MARK1: variants seen among roughly 807,000 people sequenced by gnomAD.
MARK1 encodes the protein serine/threonine-protein kinase MARK1.
In MARK1, 40 loss-of-function variants were observed where a neutral mutation model predicts 96.3. The ratio of observed to expected loss-of-function variants is 0.42; its 90% CI spans 0.32 to 0.54. The LOEUF is 0.54. MARK1 is among the 20% of genes least tolerant of loss of function. The pLI, the probability that MARK1 is intolerant of heterozygous loss-of-function variation, is 0.16. For synonymous variants in MARK1, 317 were observed against 341.2 expected (o/e 0.93, Z 0.78); for missense variants, 719 against 984.6 (o/e 0.73, Z 3.61).
At chr1:220,560,617 T>C (rs1407145501) in intron 1 of MARK1, among the ~76,000 whole-genome samples, 1 of 152,132 alleles carries the variant, frequency 6.6e-6, no homozygotes, top group African/African-American at 2.4e-5. Flanking sequence ...AAGTGACTAA[T>C]GGGTGGAAAG....
chr1:220,544,291 C>T (rs890213014), intron 1 of MARK1, among the ~76,000 whole-genome samples: 1 of 152,086 alleles, frequency 6.6e-6, no homozygotes, highest in African/African-American at 2.4e-5. Flanking sequence ...AACTTAATAC[C>T]CAATGCAACA....
At chr1:220,621,159 C>G (rs1213085460) in intron 9 of MARK1, among the ~76,000 whole-genome samples, 1 of 151,836 alleles carries the variant, frequency 6.6e-6, no homozygotes, top group Non-Finnish European at 1.5e-5. Flanking sequence ...ATATGCACTT[C>G]TTGCTTTGTC....
At chr1:220,536,617 G>A (rs112600952) in intron 1 of MARK1, among the ~76,000 whole-genome samples, 8,739 of 151,132 alleles carry the variant, frequency 0.058, 326 homozygotes, top group Middle Eastern at 0.14. Flanking sequence ...GTGCAGTGGC[G>A]CAATCTCAGC....
At chr1:220,631,639 C>T (rs553847218) in intron 10 of MARK1, among the ~76,000 whole-genome samples, 1 of 152,240 alleles carries the variant, frequency 6.6e-6, no homozygotes, top group Admixed American at 6.5e-5. Context: ...TTTCACAATC[C>T]CTTCCCAAAG....
intron 1 of MARK1, among the ~76,000 whole-genome samples, chr1:220,557,674 A>C (rs1445025502): frequency 2.0e-5 from 3 of 152,208 alleles, no homozygotes; most frequent in Admixed American, 6.5e-5. Context: ...AGGAAACAGA[A>C]TTTAGAGGAA....
intron 1 of MARK1, among the ~76,000 whole-genome samples, chr1:220,569,065 G>A (rs1663255182): frequency 6.6e-6 from 1 of 152,092 alleles, no homozygotes; most frequent in Admixed American, 6.6e-5. Context: ...ACCATCAAAT[G>A]CTATCAAACT....
chr1:220,609,935 G>A (rs1006964204), intron 6 of MARK1, among the ~76,000 whole-genome samples: 2 of 152,146 alleles, frequency 1.3e-5, no homozygotes, highest in African/African-American at 4.8e-5. Context: ...AGTCTGATGG[G>A]CTTCCCTTTG....
intron 9 of MARK1, among the ~76,000 whole-genome samples, chr1:220,630,776 A>G (rs1667639774): frequency 6.6e-6 from 1 of 152,208 alleles, no homozygotes; most frequent in Admixed American, 6.6e-5. Flanking sequence ...AAAATATCCA[A>G]ATTTGAAAAT....
chr1:220,558,646 T>TA (rs1662456900), intron 1 of MARK1, among the ~76,000 whole-genome samples: 1 of 151,966 alleles, frequency 6.6e-6, no homozygotes, highest in African/African-American at 2.4e-5. Context: ...AACAAGGAGA[T>TA]ATATTACTGT....
At chr1:220,586,688 T>A (rs770076452) in intron 3 of MARK1, among the ~76,000 whole-genome samples, 16 of 152,208 alleles carry the variant, frequency 1.1e-4, no homozygotes, top group Non-Finnish European at 1.6e-4. Context: ...ACTTAAGATA[T>A]ACTGAAATCA....
At chr1:220,550,504 C>T (rs1231076021) in intron 1 of MARK1, among the ~76,000 whole-genome samples, 2 of 152,176 alleles carry the variant, frequency 1.3e-5, no homozygotes, top group Non-Finnish European at 2.9e-5. Flanking sequence ...AGGCGTGCGC[C>T]ACCACACCCC....
intron 17 of MARK1, among the ~76,000 whole-genome samples, chr1:220,661,141 TG>T (rs2103078275): frequency 6.6e-6 from 1 of 152,258 alleles, no homozygotes; most frequent in African/African-American, 2.4e-5. Context: ...AGGAGCAGCA[TG>T]GAGGCCATTG....
At chr1:220,571,258 T>C (rs1359296394) in intron 1 of MARK1, among the ~76,000 whole-genome samples, 1 of 152,182 alleles carries the variant, frequency 6.6e-6, no homozygotes, top group Non-Finnish European at 1.5e-5. Flanking sequence ...TGATAATGCA[T>C]GTAAAAGACG....
intron 3 of MARK1, among the ~76,000 whole-genome samples, chr1:220,591,799 C>A (rs1664999153): frequency 6.6e-6 from 1 of 151,882 alleles, no homozygotes; most frequent in African/African-American, 2.4e-5. Context: ...GCTTTATTTA[C>A]CTTGTACAGA....
intron 16 of MARK1, among the ~76,000 whole-genome samples, chr1:220,657,577 C>G (rs950715060): frequency 6.6e-6 from 1 of 152,056 alleles, no homozygotes; most frequent in African/African-American, 2.4e-5. Flanking sequence ...CTCATATTGC[C>G]TCTTGACAAA....
chr1:220,576,169 AT>A (rs1187828849), intron 1 of MARK1, among the ~76,000 whole-genome samples: 3 of 151,444 alleles, frequency 2.0e-5, no homozygotes, highest in Non-Finnish European at 4.4e-5. Context: ...CGTGTAACAA[AT>A]CATCCCAACC....
intron 1 of MARK1, among the ~76,000 whole-genome samples, chr1:220,533,012 T>TTAA (rs1553311291): frequency 6.6e-6 from 1 of 150,462 alleles, no homozygotes; most frequent in African/African-American, 2.4e-5. Flanking sequence ...CCCTTTTTTT[T>TTAA]AAAAAAAAAA....
At chr1:220,569,841 G>A (rs147683046) in intron 1 of MARK1, among the ~76,000 whole-genome samples, 2,357 of 152,136 alleles carry the variant, frequency 0.015, 34 homozygotes, top group Middle Eastern at 0.044. Flanking sequence ...GTTTATAGAT[G>A]TCAGTAAGCC....
chr1:220,556,547 A>C (rs187274723), intron 1 of MARK1, among the ~76,000 whole-genome samples: 2 of 151,206 alleles, frequency 1.3e-5, no homozygotes, highest in East Asian at 3.9e-4. Context: ...ACTTGTGGAG[A>C]GAGTTAACAA....
Sources: allele counts gnomAD v4.1 joint callset (sites outside exome capture counted in the v4.1 genomes callset), GRCh38; gene constraint gnomAD v4.1.1; transcripts MANE v1.5; gene names NCBI Gene and HGNC (gene_info 2026-07-23, HGNC 2026-07-21).